Variants in ACSL1 observed in about 807,000 individuals in gnomAD.
ACSL1 encodes long-chain-fatty-acid--CoA ligase 1.
A neutral mutation model predicts 98.4 loss-of-function variants in ACSL1; 41 were observed. The ratio of observed to expected loss-of-function variants is 0.42; its 90% CI spans 0.32 to 0.54. The LOEUF (loss-of-function observed/expected upper bound fraction) is 0.54. Among genes scored for constraint, ACSL1 ranks in the 20% least tolerant of loss-of-function variants. ACSL1 has a pLI of 0.13. For synonymous variants in ACSL1, 316 were observed against 322.7 expected (o/e 0.98, Z 0.22); for missense variants, 734 against 883.1 (o/e 0.83, Z 2.14).
chr4:184,811,315 T>A (rs564517101), intron 1 of ACSL1, among the ~76,000 whole-genome samples: 1 of 151,980 alleles, frequency 6.6e-6, no homozygotes, highest in Admixed American at 6.6e-5. Flanking sequence ...GGTTTCACCG[T>A]GTTGGCCAGG....
intron 4 of ACSL1, among the ~76,000 whole-genome samples, chr4:184,782,282 C>G (rs571367030): frequency 7.0e-6 from 1 of 142,968 alleles, no homozygotes; most frequent in African/African-American, 2.6e-5. Flanking sequence ...AAAAAACAAC[C>G]CTTTAAGGCA....
chr4:184,756,995 C>A lies in ACSL1; in HGVS notation c.*130G>T. The A allele has an allele frequency of 8.3e-7, 1 of 1,202,912 alleles. No homozygotes were observed. The highest frequency in any genetic ancestry group is 1.1e-6 in the Non-Finnish European group (1 of 878,422). 74.5% of individuals were successfully genotyped at this position (1,202,912 alleles called of 1,614,324 possible). On this transcript the variant is annotated 3_prime_UTR_variant, in exon 21 of 21. Coordinates refer to ENST00000281455, the MANE Select transcript of ACSL1 (RefSeq NM_001995.5). ...TCTAGCATTCCTATGAGAAGAACCC[C>A]GAATGGACAAGTCAAACACGAACGC... is the stretch of plus-strand genomic sequence containing the variant.
At chr4:184,780,536 A>C in intron 4 of ACSL1, 103 bp from the exon 5 acceptor site, 1 of 762,526 alleles carries the variant, frequency 1.3e-6, no homozygotes, top group Non-Finnish European at 2.2e-6. Context: ...GCAATGCTGC[A>C]CACAGAAACG....
In ACSL1 at chr4:184,773,167, TATG is replaced by T. The variant is rs935616668; in HGVS notation, c.842-16_842-14del. On this transcript the variant is annotated splice_polypyrimidine_tract_variant and intron_variant, in intron 9 of 20. Coordinates refer to ENST00000281455, the MANE Select transcript of ACSL1 (RefSeq NM_001995.5). This position sits in a 1 kb window ranked among gnomAD's most constrained non-coding sequence, Gnocchi z 4.3. ...CCTTTGGGGTTGCCTGTGGAGCACATATGAAGCAGAACAAAGTTAAAGAATGAC... is the reference window on the plus strand; with the variant it reads ...CCTTTGGGGTTGCCTGTGGAGCACATAAGCAGAACAAAGTTAAAGAATGAC... 10 of 1,609,690 alleles carry T rather than the reference TATG, an allele frequency of 6.2e-6. No individual in the cohort carries two copies. The highest frequency in any genetic ancestry group is 7.7e-6 in the Non-Finnish European group (9 of 1,176,108).
In ACSL1 at chr4:184,757,388, A is replaced by C; in HGVS notation, c.1957-123T>G. ...CCAATCCATCCTCTCATTTCAGCCA[A>C]GCTGCACCTTCTCAACAAAGGACAG... On this transcript the variant is annotated intron_variant, in intron 20 of 20. Coordinates refer to ENST00000281455, the MANE Select transcript of ACSL1 (RefSeq NM_001995.5). The surrounding 1 kb of genome is among the most constrained non-coding windows in gnomAD (Gnocchi z 4.5). 7.9e-7 allele frequency: 1 copy of C among 1,272,372 alleles called. No homozygotes were observed. The highest frequency in any genetic ancestry group is 1.1e-6 in the Non-Finnish European group (1 of 933,504). The allele number at this position is 1,272,372 out of a possible 1,614,324, so 78.8% of individuals were successfully genotyped here. A position where few individuals can be genotyped will look rare whatever the true frequency, so the allele number is the denominator to read the frequency against.
intron 4 of ACSL1, among the ~76,000 whole-genome samples, chr4:184,780,995 T>C (rs1766152602): frequency 6.8e-6 from 1 of 146,564 alleles, no homozygotes; most frequent in Non-Finnish European, 1.5e-5. Flanking sequence ...TCCCAGCACT[T>C]TGGGAGGCCG....
intron 12 of ACSL1, among the ~76,000 whole-genome samples, chr4:184,767,510 C>G (rs1177700983): frequency 3.3e-5 from 5 of 151,794 alleles, no homozygotes; most frequent in African/African-American, 1.2e-4. Flanking sequence ...GGTCGGGGAG[C>G]TGATAAAGAA....
intron 14 of ACSL1, among the ~76,000 whole-genome samples, chr4:184,765,495 G>C (rs557655063): frequency 6.6e-6 from 1 of 151,932 alleles, no homozygotes; most frequent in South Asian, 2.1e-4. Context: ...CACAAAGTAG[G>C]GGGTGGGAAG....
At chr4:184,816,789 T>A (rs976460056) in intron 1 of ACSL1, among the ~76,000 whole-genome samples, 2 of 152,088 alleles carry the variant, frequency 1.3e-5, no homozygotes, top group Non-Finnish European at 2.9e-5. Flanking sequence ...CACGGCTCTA[T>A]GGTTCTACCG....
intron 3 of ACSL1, among the ~76,000 whole-genome samples, chr4:184,786,818 T>A (rs1283722525): frequency 1.3e-5 from 2 of 151,512 alleles, no homozygotes; most frequent in African/African-American, 2.4e-5. Flanking sequence ...CTCAGCCTCC[T>A]GAGTAGCGGG....
intron 12 of ACSL1, 110 bp downstream of exon 12, chr4:184,768,206 G>A: frequency 1.7e-6 from 2 of 1,164,668 alleles, no homozygotes; most frequent in East Asian, 5.4e-5. Flanking sequence ...TGTAAGATTG[G>A]GAGGATTGTC....
intron 3 of ACSL1, among the ~76,000 whole-genome samples, chr4:184,785,097 C>CCA (rs1766994671): frequency 6.6e-6 from 1 of 152,210 alleles, no homozygotes; most frequent in Non-Finnish European, 1.5e-5. Context: ...TGGCACACAG[C>CCA]CACACTCATT....
In ACSL1 at chr4:184,808,272, C is replaced by T. The variant is rs902331027; in HGVS notation, c.-32-4726G>A. On this transcript the variant is annotated intron_variant, in intron 1 of 20. Coordinates refer to ENST00000281455, the MANE Select transcript of ACSL1 (RefSeq NM_001995.5). ...ACACACACACACACTGCCCCTGCAA[C>T]TCTGCAAACTTTTACTTACATTAAC... 8 of 977,946 alleles carry T rather than the reference C, an allele frequency of 8.2e-6. No individual in the cohort carries two copies. In the East Asian group the frequency reaches 8.0e-4, roughly 97 times the overall value. The allele number at this position is 977,946 out of a possible 1,614,324, so 60.6% of individuals were successfully genotyped here. A position where few individuals can be genotyped will look rare whatever the true frequency, so the allele number is the denominator to read the frequency against.
At chr4:184,813,125 G>A (rs1367646482) in intron 1 of ACSL1, among the ~76,000 whole-genome samples, 1 of 152,184 alleles carries the variant, frequency 6.6e-6, no homozygotes, top group African/African-American at 2.4e-5. Context: ...TTGAGAAAAT[G>A]ATGATTATAG....
chr4:184,793,660 G>A (rs1768811806), intron 2 of ACSL1, among the ~76,000 whole-genome samples: 1 of 152,038 alleles, frequency 6.6e-6, no homozygotes, highest in African/African-American at 2.4e-5. Context: ...AAAGTGAGAA[G>A]GGAGAGTGAG....
chr4:184,765,428 T>G (rs375087250), intron 14 of ACSL1, among the ~76,000 whole-genome samples: 25 of 152,170 alleles, frequency 1.6e-4, no homozygotes, highest in African/African-American at 5.5e-4. Flanking sequence ...ATACATATGG[T>G]TGCTTCTCCA....
intron 2 of ACSL1, among the ~76,000 whole-genome samples, chr4:184,800,526 G>A (rs1183325480): frequency 6.6e-6 from 1 of 152,174 alleles, no homozygotes; most frequent in African/African-American, 2.4e-5. Flanking sequence ...CAGAAATCTT[G>A]CATTATCTGT....
intron 1 of ACSL1, chr4:184,808,466 T>C (rs1353159044): frequency 5.8e-5 from 57 of 985,344 alleles, no homozygotes; most frequent in Non-Finnish European, 6.5e-5. Flanking sequence ...CCCTTGCCCC[T>C]GCAGTGGCAA....
At position 184,803,246 on chromosome 4, in the gene ACSL1, C is replaced by T; in HGVS notation, c.195+74G>A. On this transcript the variant is annotated intron_variant, in intron 2 of 20. Transcript: ENST00000281455. This position sits in a 1 kb window ranked among gnomAD's most constrained non-coding sequence, Gnocchi z 4.8. ...ACAAATATTTGATCTTGATGGCTATCACATTCAACAGGGCTCAGCTCATCT... is the reference window on the plus strand; with the variant it reads ...ACAAATATTTGATCTTGATGGCTATTACATTCAACAGGGCTCAGCTCATCT... 1 of 1,294,436 alleles carries T rather than the reference C, an allele frequency of 7.7e-7. No individual in the cohort carries two copies. The highest frequency in any genetic ancestry group is 1.0e-6 in the Non-Finnish European group (1 of 962,952). The allele number at this position is 1,294,436 out of a possible 1,614,324, so 80.2% of individuals were successfully genotyped here. A position where few individuals can be genotyped will look rare whatever the true frequency, so the allele number is the denominator to read the frequency against.
Sources: allele counts gnomAD v4.1 joint callset (sites outside exome capture counted in the v4.1 genomes callset), GRCh38; gene constraint gnomAD v4.1.1; non-coding constraint Gnocchi (gnomAD v3.1); transcripts MANE v1.5; gene names NCBI Gene and HGNC (gene_info 2026-07-23, HGNC 2026-07-21).